DNAH7: variants seen among roughly 807,000 people sequenced by gnomAD.
The protein encoded by DNAH7 is axonemal beta dynein heavy chain 7.
A neutral mutation model predicts 444.6 loss-of-function variants in DNAH7; 397 were observed. That is an observed-to-expected ratio of 0.89 (90% CI 0.82 to 0.97). The LOEUF (loss-of-function observed/expected upper bound fraction) is 0.97. DNAH7 is among the 50% of genes least tolerant of loss of function. DNAH7 has a pLI of 0.00. For missense variants in DNAH7, 4,902 were observed against 4,800.8 expected (o/e 1.02, Z -0.62); for synonymous variants, 1,636 against 1,624.4 (o/e 1.01, Z -0.17).
At chr2:195,861,116 C>A (rs1699991224) in intron 42 of DNAH7, among the ~76,000 whole-genome samples, 1 of 152,000 alleles carries the variant, frequency 6.6e-6, no homozygotes, top group African/African-American at 2.4e-5. Flanking sequence ...TTAAAGGTAA[C>A]CACTAAAATG....
intron 51 of DNAH7, among the ~76,000 whole-genome samples, chr2:195,811,091 C>T (rs533005790): frequency 6.6e-6 from 1 of 152,118 alleles, no homozygotes; most frequent in Admixed American, 6.5e-5. Flanking sequence ...TGTTAATAAC[C>T]TTTTAAGGTG....
chr2:196,051,170 A>G lies in DNAH7; in HGVS notation c.141+17T>C, dbSNP rs1289851582. 3.1e-6 allele frequency: 5 copies of G among 1,608,008 alleles called. No homozygotes were observed. The highest frequency in any genetic ancestry group is 2.2e-5 in the East Asian group (1 of 44,768). On this transcript the variant is annotated intron_variant, in intron 3 of 64. Coordinates refer to ENST00000312428, the MANE Select transcript of DNAH7 (RefSeq NM_018897.3). ...TGAAGCACAAAAATTCAATGAGAAT[A>G]TATTTGGATAAGTTACCATAGACAG...
Position 195,926,499 on chromosome 2 carries a change from C to T in DNAH7, c.3539G>A (p.Gly1180Glu), listed in dbSNP as rs1688343521. 6.2e-7 allele frequency: 1 copy of T among 1,607,456 alleles called. No individual in the cohort carries two copies. The highest frequency in any genetic ancestry group is 1.3e-5 in the African/African-American group (1 of 74,460). ...TTGGGATACACAGAGAACAGTCTGT[C>T]CAGGCCAATCCCTTACCCAGTTAAT... Reference protein sequence around the residue: ...ERINWVRDWPGQTVLCVSQIF... With the variant: ...ERINWVRDWPEQTVLCVSQIF... The change falls in exon 22 of 65, where the codon GGA becomes GAA. Residue 1180 changes from glycine to glutamate, a missense_variant. Gly to Glu is a moderately conservative substitution (Grantham distance 98). Transcript: ENST00000312428.
rs148452794 is a variant in DNAH7, at chr2:196,053,246, G to T, written c.79-1997C>A. On this transcript the variant is annotated intron_variant, in intron 2 of 64. Coordinates refer to ENST00000312428, the MANE Select transcript of DNAH7 (RefSeq NM_018897.3). ...AGAACAAACTAGAGCTAGACAAGTG[G>T]GTGCTGTTATATTAAGGAGGACATG... Among the ~76,000 whole-genome samples, 839 of 152,324 alleles carry T rather than the reference G, an allele frequency of 5.5e-3. 9 individuals carry two copies. The highest frequency in any genetic ancestry group is 0.019 in the African/African-American group (801 of 41,570).
chr2:195,772,594 C>G (rs1277567779), intron 60 of DNAH7, among the ~76,000 whole-genome samples: 1 of 151,988 alleles, frequency 6.6e-6, no homozygotes, highest in Non-Finnish European at 1.5e-5. Flanking sequence ...AAAACAAGTA[C>G]TATTAGAACA....
intron 7 of DNAH7, among the ~76,000 whole-genome samples, chr2:196,025,749 T>C (rs1695642307): frequency 6.6e-6 from 1 of 152,192 alleles, no homozygotes; most frequent in Non-Finnish European, 1.5e-5. Context: ...CTATGAACTC[T>C]GAGGGCAGGG....
At chr2:195,966,826 A>T (rs184777916) in intron 17 of DNAH7, among the ~76,000 whole-genome samples, 108 of 152,098 alleles carry the variant, frequency 7.1e-4, no homozygotes, top group Non-Finnish European at 1.2e-3. Context: ...TTTTCAGTCT[A>T]TGTGTGACTT....
chr2:195,809,305 AAAGT>A (rs1033546561), intron 52 of DNAH7, among the ~76,000 whole-genome samples: 3 of 152,156 alleles, frequency 2.0e-5, no homozygotes, highest in African/African-American at 4.8e-5. Context: ...ATGCAAGAAT[AAAGT>A]ATTTATTTCT....
At chr2:196,056,454 T>C (rs1460568230) in intron 2 of DNAH7, among the ~76,000 whole-genome samples, 1 of 151,888 alleles carries the variant, frequency 6.6e-6, no homozygotes, top group Non-Finnish European at 1.5e-5. Flanking sequence ...AAATGTTTTT[T>C]CTTTTCTGCA....
intron 19 of DNAH7, among the ~76,000 whole-genome samples, chr2:195,938,343 TTC>T (rs1491163975): frequency 3.8e-5 from 4 of 105,342 alleles, no homozygotes; most frequent in East Asian, 3.7e-4. Flanking sequence ...CAAATAGACA[TTC>T]ACACACACAC....
At chr2:195,743,641 G>T in intron 63 of DNAH7, among the ~76,000 whole-genome samples, 1 of 152,140 alleles carries the variant, frequency 6.6e-6, no homozygotes, top group East Asian at 1.9e-4. Context: ...CCTCCCACTA[G>T]GGTCCTATGA....
In DNAH7 at chr2:195,792,331, C is replaced by T. The variant is rs150546726; in HGVS notation, c.10716+2007G>A. 1.9e-3 allele frequency among the ~76,000 whole-genome samples: 290 copies of T among 150,268 alleles called. 2 individuals carry two copies. Among genetic ancestry groups the T allele is most frequent in the African/African-American group, 6.7e-3 (274 of 40,900 alleles). On this transcript the variant is annotated intron_variant, in intron 57 of 64. Transcript: ENST00000312428. ...AGCATCACTTAATATACCCATTTAA[C>T]AAACCTGTAAATGTATCCCCTGAAT...
intron 25 of DNAH7, among the ~76,000 whole-genome samples, chr2:195,909,067 A>C (rs1559212286): frequency 6.6e-6 from 1 of 152,074 alleles, no homozygotes; most frequent in Non-Finnish European, 1.5e-5. Context: ...AACAATGGAC[A>C]CTGGGGCCTG....
chr2:195,917,073 G>C (rs1687728865), intron 24 of DNAH7, among the ~76,000 whole-genome samples: 1 of 135,058 alleles, frequency 7.4e-6, no homozygotes, highest in Admixed American at 8.2e-5. Flanking sequence ...CGGCACTCCA[G>C]CCTGGGCAAC....
At chr2:196,058,640 G>A (rs1426213467) in intron 1 of DNAH7, among the ~76,000 whole-genome samples, 1 of 146,168 alleles carries the variant, frequency 6.8e-6, no homozygotes, top group Non-Finnish European at 1.5e-5. Context: ...TAACAAAAGT[G>A]TAAGACCTAT....
At chr2:195,742,006 TC>T (rs1363891757) in intron 63 of DNAH7, among the ~76,000 whole-genome samples, 1 of 152,184 alleles carries the variant, frequency 6.6e-6, no homozygotes, top group Non-Finnish European at 1.5e-5. Flanking sequence ...CCCTTTCTCT[TC>T]TCTGGGTTTT....
intron 19 of DNAH7, among the ~76,000 whole-genome samples, chr2:195,955,044 C>T (rs1690548078): frequency 1.3e-5 from 2 of 152,166 alleles, no homozygotes; most frequent in South Asian, 4.1e-4. Flanking sequence ...CCCCATTTGT[C>T]AATTTTGGCT....
At chr2:196,016,472 GCAGA>G (rs1438557501) in intron 9 of DNAH7, among the ~76,000 whole-genome samples, 1 of 152,116 alleles carries the variant, frequency 6.6e-6, no homozygotes, top group Non-Finnish European at 1.5e-5. Flanking sequence ...GTCAAATTAA[GCAGA>G]CAAAGAAATC....
chr2:195,905,641 T>C (rs1574725252), intron 27 of DNAH7: 1 of 152,142 alleles, frequency 6.6e-6, no homozygotes, highest in East Asian at 1.9e-4. Flanking sequence ...ATATGTGCCA[T>C]ACATATGCAA....
Sources: allele counts gnomAD v4.1 joint callset (sites outside exome capture counted in the v4.1 genomes callset), GRCh38; gene constraint gnomAD v4.1.1; transcripts MANE v1.5; gene names NCBI Gene and HGNC (gene_info 2026-07-23, HGNC 2026-07-21).